Variants in CUX2 observed in about 807,000 individuals in gnomAD.
The protein encoded by CUX2 is homeobox protein cut-like 2.
A neutral mutation model predicts 144.8 loss-of-function variants in CUX2; 40 were observed. The ratio of observed to expected loss-of-function variants is 0.28; its 90% CI spans 0.21 to 0.36. The LOEUF is 0.36. CUX2 is among the 10% of genes least tolerant of loss of function. The pLI is 1.00. For synonymous variants in CUX2, 827 were observed against 875.6 expected (o/e 0.94, Z 0.98); for missense variants, 1,615 against 1,994.0 (o/e 0.81, Z 3.62).
chr12:111,282,189 G>C (rs1315412995), intron 4 of CUX2, among the ~76,000 whole-genome samples: 1 of 151,904 alleles, frequency 6.6e-6, no homozygotes, highest in Non-Finnish European at 1.5e-5. Flanking sequence ...GGGCGAGGTG[G>C]TGGGCGCCTG....
intron 1 of CUX2, among the ~76,000 whole-genome samples, chr12:111,069,466 AC>A (rs72301225): frequency 0.087 from 13,200 of 151,118 alleles, 1,898 homozygotes; most frequent in African/African-American, 0.3. Flanking sequence ...CTCTCTGTAA[AC>A]CCTCAGTCAG....
At chr12:111,252,358 C>T (rs1386778534) in intron 3 of CUX2, among the ~76,000 whole-genome samples, 1 of 152,146 alleles carries the variant, frequency 6.6e-6, no homozygotes, top group Non-Finnish European at 1.5e-5. Context: ...GGGATGCAGG[C>T]CCCAGTTAAA....
chr12:111,198,335 TGTG>T (rs1453804710), intron 1 of CUX2, among the ~76,000 whole-genome samples: 3 of 151,952 alleles, frequency 2.0e-5, no homozygotes, highest in Non-Finnish European at 2.9e-5. Flanking sequence ...ATTAGCCGGG[TGTG>T]GTGGTGAACA....
At position 111,293,460 on chromosome 12, in the gene CUX2, A is replaced by C; in HGVS notation, c.451A>C (p.Thr151Pro). 6.2e-7 allele frequency: 1 copy of C among 1,607,912 alleles called. No homozygotes were observed. The highest frequency in any genetic ancestry group is 8.5e-7 in the Non-Finnish European group (1 of 1,178,252). The change falls in exon 6 of 22, where the codon ACG becomes CCG. Residue 151 changes from threonine to proline, a missense_variant. This residue lies in a region of CUX2 where 295 missense variants were observed against 400.2 expected (regional missense o/e 0.74). Transcript: ENST00000261726. This position sits in a 1 kb window ranked among gnomAD's most constrained non-coding sequence, Gnocchi z 4.5. Reference protein sequence around the residue: ...LLSPKEQREGTSPAGPTLTEG... With the variant: ...LLSPKEQREGPSPAGPTLTEG... ...TCTCCCTGCAGAGCAGAGAGAGGGG[A>C]CGTCGCCTGCCGGGCCCACGCTGAC...
At chr12:111,087,621 T>C (rs1872315809) in intron 1 of CUX2, among the ~76,000 whole-genome samples, 2 of 152,212 alleles carry the variant, frequency 1.3e-5, no homozygotes, top group Admixed American at 1.3e-4. Context: ...TAGAGTCGAC[T>C]TAGCCATAAG....
At chr12:111,329,758 C>T (rs143160045) in intron 18 of CUX2, among the ~76,000 whole-genome samples, 1,657 of 152,278 alleles carry the variant, frequency 0.011, 27 homozygotes, top group African/African-American at 0.038. Flanking sequence ...GCCTCAGCCT[C>T]CAGAGTAGCT....
rs548224238 is a variant in CUX2, at chr12:111,061,251, C to T, written c.63+27011C>T. On this transcript the variant is annotated intron_variant, in intron 1 of 21. Coordinates refer to ENST00000261726, the MANE Select transcript of CUX2 (RefSeq NM_015267.4). The surrounding 1 kb of genome is among the most constrained non-coding windows in gnomAD (Gnocchi z 4.2). ...ATGCCTGGCTTTCTGAGCTACAACC[C>T]AGGACCCATGCACACCACAGTCCAT... 5.3e-5 allele frequency among the ~76,000 whole-genome samples: 8 copies of T among 151,988 alleles called. No individual in the cohort carries two copies. Among genetic ancestry groups the T allele is most frequent in the Non-Finnish European group, 1.0e-4 (7 of 67,980 alleles).
intron 1 of CUX2, among the ~76,000 whole-genome samples, chr12:111,184,815 G>T (rs1169763833): frequency 1.3e-5 from 2 of 151,948 alleles, no homozygotes; most frequent in Non-Finnish European, 2.9e-5. Flanking sequence ...TGTAATCCCA[G>T]CACTGTGGGA....
chr12:111,090,157 A>G (rs922702343), intron 1 of CUX2, among the ~76,000 whole-genome samples: 5 of 152,190 alleles, frequency 3.3e-5, no homozygotes, highest in Non-Finnish European at 5.9e-5. Context: ...GTGACCAGCT[A>G]GGGACATTTG....
chr12:111,092,234 A>G (rs1175945912), intron 1 of CUX2, among the ~76,000 whole-genome samples: 1 of 152,132 alleles, frequency 6.6e-6, no homozygotes, highest in Non-Finnish European at 1.5e-5. Flanking sequence ...TGTCTCCCCC[A>G]TCCGCAGGCA....
chr12:111,137,377 T>TTGTTGTTGTTGA (rs1566246566), intron 1 of CUX2, among the ~76,000 whole-genome samples: 3 of 148,192 alleles, frequency 2.0e-5, no homozygotes, highest in African/African-American at 8.0e-5. Context: ...GTTGATGTTG[T>TTGTTGTTGTTGA]CGTTGTTGTT....
rs1887581047 is a variant in CUX2, at chr12:111,322,413, C to T, written c.2767-8C>T. ...TGCTGACCTACCCCCCTGGCCCGCC[C>T]CTCGCAGGTGCTGGGCCTGTCACAG... On this transcript the variant is annotated splice_region_variant and splice_polypyrimidine_tract_variant and intron_variant, in intron 17 of 21. Transcript: ENST00000261726. The surrounding 1 kb of genome is among the most constrained non-coding windows in gnomAD (Gnocchi z 4.2). 2 of 1,552,832 alleles carry T rather than the reference C, an allele frequency of 1.3e-6. No homozygotes were observed. Among genetic ancestry groups the T allele is most frequent in the Non-Finnish European group, 1.7e-6 (2 of 1,149,080 alleles).
At chr12:111,119,695 G>T (rs989632915) in intron 1 of CUX2, among the ~76,000 whole-genome samples, 6 of 152,188 alleles carry the variant, frequency 3.9e-5, no homozygotes, top group African/African-American at 1.4e-4. Flanking sequence ...CGACCTTTGG[G>T]TCTCATGTAA....
At chr12:111,319,721 G>T (rs990748484) in intron 16 of CUX2, among the ~76,000 whole-genome samples, 26 of 152,134 alleles carry the variant, frequency 1.7e-4, no homozygotes, top group African/African-American at 6.0e-4. Flanking sequence ...ACCAGAGTGA[G>T]ACTCCATCTC....
chr12:111,225,285 C>T (rs542336550), intron 3 of CUX2, among the ~76,000 whole-genome samples: 1 of 152,316 alleles, frequency 6.6e-6, no homozygotes, highest in African/African-American at 2.4e-5. Context: ...CTGAGCACAT[C>T]ATGTTTATCC....
intron 1 of CUX2, among the ~76,000 whole-genome samples, chr12:111,052,356 T>C (rs934898110): frequency 6.6e-6 from 1 of 151,790 alleles, no homozygotes; most frequent in Non-Finnish European, 1.5e-5. Context: ...GTCATCACCA[T>C]GAGGGTATAG....
chr12:111,114,690 C>A (rs1874181427), intron 1 of CUX2, among the ~76,000 whole-genome samples: 1 of 152,168 alleles, frequency 6.6e-6, no homozygotes, highest in African/African-American at 2.4e-5. Context: ...CTAAGCTGTG[C>A]CCTCTGTCTG....
At chr12:111,087,997 G>T (rs1872337154) in intron 1 of CUX2, among the ~76,000 whole-genome samples, 1 of 152,116 alleles carries the variant, frequency 6.6e-6, no homozygotes, top group Non-Finnish European at 1.5e-5. Context: ...ATAAGCTAAT[G>T]ATGTGGATAC....
intron 1 of CUX2, among the ~76,000 whole-genome samples, chr12:111,112,612 T>C (rs1372344392): frequency 6.6e-6 from 1 of 151,986 alleles, no homozygotes; most frequent in Non-Finnish European, 1.5e-5. Context: ...GGGGACCTAA[T>C]GGGGAGGGCC....
Sources: gnomAD v4.1 joint callset for allele counts (sites outside exome capture counted in the v4.1 genomes callset) on GRCh38, gnomAD v4.1.1 for gene constraint, gnomAD v4.1.1 regional missense constraint, Gnocchi (gnomAD v3.1) non-coding constraint, MANE v1.5 for transcripts, NCBI Gene and HGNC (gene_info 2026-07-23, HGNC 2026-07-21) for gene names.